Variants in CACHD1 observed in about 807,000 individuals in gnomAD.
The protein encoded by CACHD1 is VWFA and cache domain-containing protein 1.
CACHD1 carries 71 observed loss-of-function variants against 138.7 expected under a neutral mutation model. The observed-to-expected ratio is 0.51, with a 90% CI of 0.42 to 0.62. The LOEUF (loss-of-function observed/expected upper bound fraction) is 0.62, where lower values mean the gene tolerates loss of function less well. CACHD1 is among the 20% of genes least tolerant of loss of function. The probability of loss-of-function intolerance (pLI) is 0.00; values close to 1 mark genes in which losing one functional copy is unlikely to be tolerated. For missense variants in CACHD1, 1,389 were observed against 1,625.3 expected (o/e 0.85, Z 2.50); for synonymous variants, 578 against 591.5 (o/e 0.98, Z 0.33).
chr1:64,597,524 G>GTTTTTTTTTTTTTT (rs34162933), intron 3 of CACHD1, among the ~76,000 whole-genome samples: 6 of 80,404 alleles, frequency 7.5e-5, no homozygotes, highest in Admixed American at 1.4e-4. Context: ...TTTTTTTGTT[G>GTTTTTTTTTTTTTT]TTTTTTTTTT....
rs542554131 is a variant in CACHD1, at chr1:64,560,422, C to T, written c.261+9766C>T. 4.4e-3 allele frequency among the ~76,000 whole-genome samples: 668 copies of T among 152,010 alleles called. 6 individuals carry two copies. The highest frequency in any genetic ancestry group is 0.015 in the African/African-American group (640 of 41,458). ...GTATTTCTATCATCATTCAGTTTTA[C>T]ATATTTTCTGATTTCTCTTGTGATT... On this transcript the variant is annotated intron_variant, in intron 2 of 26. Coordinates refer to ENST00000651257, the MANE Select transcript of CACHD1 (RefSeq NM_020925.4).
At chr1:64,650,378 C>T (rs1649048769) in intron 9 of CACHD1, among the ~76,000 whole-genome samples, 1 of 152,142 alleles carries the variant, frequency 6.6e-6, no homozygotes. Flanking sequence ...CCATGCTGGT[C>T]CTCACAGCCT....
chr1:64,614,924 G>GA (rs1363022332), intron 4 of CACHD1, among the ~76,000 whole-genome samples: 3 of 151,976 alleles, frequency 2.0e-5, no homozygotes, highest in South Asian at 2.1e-4. Context: ...TGAGTATTTT[G>GA]AAAAAATCTC....
Position 64,470,139 on chromosome 1 carries a change from T to C in CACHD1, c.-606T>C, listed in dbSNP as rs892667103. On this transcript the variant is annotated 5_prime_UTR_variant, in exon 1 of 27. Transcript: ENST00000651257. This position sits in a 1 kb window ranked among gnomAD's most constrained non-coding sequence, Gnocchi z 5.2. ...CCGCCGCGGCGGCCCAGCCGGGAAGTGCACAGAGCCGGAGCGCAGCGTGGT... is the reference window on the plus strand; with the variant it reads ...CCGCCGCGGCGGCCCAGCCGGGAAGCGCACAGAGCCGGAGCGCAGCGTGGT... 6.6e-6 allele frequency among the ~76,000 whole-genome samples: 1 copy of C among 151,836 alleles called. No individual in the cohort carries two copies. The highest frequency in any genetic ancestry group is 1.5e-5 in the Non-Finnish European group (1 of 67,928).
intron 1 of CACHD1, among the ~76,000 whole-genome samples, chr1:64,514,218 G>A (rs1180454887): frequency 6.6e-6 from 1 of 152,176 alleles, no homozygotes; most frequent in Non-Finnish European, 1.5e-5. Flanking sequence ...ATTCTCCAGG[G>A]TCTTCAGCTA....
chr1:64,622,741 A>T (rs1647960678), intron 4 of CACHD1, among the ~76,000 whole-genome samples: 1 of 152,250 alleles, frequency 6.6e-6, no homozygotes. Flanking sequence ...CATCTATAAA[A>T]TAGGAATAAA....
chr1:64,600,331 T>C (rs900088521), intron 3 of CACHD1, among the ~76,000 whole-genome samples: 3 of 152,222 alleles, frequency 2.0e-5, no homozygotes, highest in Non-Finnish European at 2.9e-5. Flanking sequence ...CTCCAGAGCC[T>C]GTGCAAATCA....
At chr1:64,653,360 CAT>C (rs1649158719) in intron 10 of CACHD1, among the ~76,000 whole-genome samples, 1 of 130,002 alleles carries the variant, frequency 7.7e-6, no homozygotes, top group South Asian at 2.4e-4. Context: ...TAAACCTGCA[CAT>C]GTACCCCTGA....
At chr1:64,579,379 T>A (rs1395638938) in intron 2 of CACHD1, among the ~76,000 whole-genome samples, 2 of 152,144 alleles carry the variant, frequency 1.3e-5, no homozygotes, top group East Asian at 3.9e-4. Flanking sequence ...ATTTCTCAAG[T>A]GGAATTAAGA....
intron 4 of CACHD1, among the ~76,000 whole-genome samples, chr1:64,616,177 C>G (rs888601638): frequency 2.0e-5 from 3 of 152,180 alleles, no homozygotes; most frequent in African/African-American, 7.2e-5. Flanking sequence ...AGACTTCCTC[C>G]TTGGCCCATG....
intron 2 of CACHD1, among the ~76,000 whole-genome samples, chr1:64,554,079 T>A (rs1302710385): frequency 6.6e-6 from 1 of 152,196 alleles, no homozygotes; most frequent in East Asian, 1.9e-4. Context: ...TTGCCCAGGC[T>A]GGAGTGCAGT....
chr1:64,652,158 T>C lies in CACHD1; in HGVS notation c.1391-3T>C. ...TTAGATTTATTTTGTTTTTAACCCA[T>C]AGGTTTGATAATGACTGTGAGTAAA... is the stretch of plus-strand genomic sequence containing the variant. On this transcript the variant is annotated splice_polypyrimidine_tract_variant and splice_region_variant and intron_variant, in intron 9 of 26. Transcript: ENST00000651257. 1 of 1,603,204 alleles carries C rather than the reference T, an allele frequency of 6.2e-7. No homozygotes were observed. Among genetic ancestry groups the C allele is most frequent in the Non-Finnish European group, 8.5e-7 (1 of 1,176,586 alleles).
chr1:64,663,566 GA>G (rs1649521318), intron 13 of CACHD1, 128 bp from the exon 14 acceptor site: 7 of 977,144 alleles, frequency 7.2e-6, no homozygotes, highest in Non-Finnish European at 7.3e-6. Context: ...AAAAAAAAAA[GA>G]AAAAAAGGAA....
Position 64,566,491 on chromosome 1 carries a change from A to ACCC in CACHD1, c.262-15664_262-15663insCCC, listed in dbSNP as rs1267716836. Reference sequence around the variant, plus strand: ...GTATGTTTTCAATTCCCCCCCCCCCACAAGGTATGGGGGAAGTACTGCCTG... The same window carrying ACCC: ...GTATGTTTTCAATTCCCCCCCCCCCACCCCAAGGTATGGGGGAAGTACTGCCTG... On this transcript the variant is annotated intron_variant, in intron 2 of 26. Transcript: ENST00000651257. Among the ~76,000 whole-genome samples, 32 of 116,044 alleles carry ACCC rather than the reference A, an allele frequency of 2.8e-4. 2 individuals are homozygous for ACCC. The highest frequency in any genetic ancestry group is 1.9e-3 in the South Asian group (6 of 3,168). The allele number at this position is 116,044 out of a possible 152,430, so 76.1% of individuals were successfully genotyped here.
chr1:64,673,557 C>T (rs1046767114), intron 19 of CACHD1, 93 bp downstream of exon 19: 2 of 1,022,870 alleles, frequency 2.0e-6, no homozygotes, highest in Non-Finnish European at 1.5e-6. Flanking sequence ...ATTATTCCTA[C>T]CTGTTTCATC....
intron 3 of CACHD1, among the ~76,000 whole-genome samples, chr1:64,583,435 C>G (rs1647027829): frequency 6.6e-6 from 1 of 152,190 alleles, no homozygotes; most frequent in African/African-American, 2.4e-5. Flanking sequence ...TTGAGCAACC[C>G]TGTCTTTATT....
chr1:64,598,592 G>T (rs950630784), intron 3 of CACHD1, among the ~76,000 whole-genome samples: 1 of 152,046 alleles, frequency 6.6e-6, no homozygotes, highest in Admixed American at 6.6e-5. Flanking sequence ...CCCATTGGGG[G>T]AAGCTAAAAT....
chr1:64,574,937 A>G (rs569746013), intron 2 of CACHD1, among the ~76,000 whole-genome samples: 1 of 152,194 alleles, frequency 6.6e-6, no homozygotes, highest in South Asian at 2.1e-4. Flanking sequence ...CAGATTTCCC[A>G]TGTAGAATTA....
chr1:64,546,340 C>T (rs529454367), intron 1 of CACHD1, among the ~76,000 whole-genome samples: 1 of 146,156 alleles, frequency 6.8e-6, no homozygotes, highest in Admixed American at 6.8e-5. Flanking sequence ...TTTTCGTTTA[C>T]TTTTTTTTTT....
Sources: gnomAD v4.1 joint callset for allele counts (sites outside exome capture counted in the v4.1 genomes callset) on GRCh38, gnomAD v4.1.1 for gene constraint, Gnocchi (gnomAD v3.1) non-coding constraint, MANE v1.5 for transcripts, NCBI Gene and HGNC (gene_info 2026-07-23, HGNC 2026-07-21) for gene names.